AK7: variants seen among roughly 807,000 people sequenced by gnomAD.
The protein encoded by AK7 is adenylate kinase 7.
In AK7, 78 loss-of-function variants were observed where a neutral mutation model predicts 96.6. The ratio of observed to expected loss-of-function variants is 0.81; its 90% CI spans 0.67 to 0.97. The LOEUF is 0.97. Among genes scored for constraint, AK7 ranks in the 50% least tolerant of loss-of-function variants. AK7 has a pLI of 0.00. For missense variants in AK7, 855 were observed against 887.9 expected (o/e 0.96, Z 0.47); for synonymous variants, 302 against 317.2 (o/e 0.95, Z 0.51).
chr14:96,479,659 G>A lies in AK7; in HGVS notation c.1753+997G>A, dbSNP rs1024373211. On this transcript the variant is annotated intron_variant, in intron 15 of 17. Coordinates refer to ENST00000267584, the MANE Select transcript of AK7 (RefSeq NM_152327.5). ...GATCCCGCATCACGTCAGCCTCATC[G>A]TCACCATTATCATTCCTGGCTCCAG... Among the ~76,000 whole-genome samples the A allele has an allele frequency of 4.6e-5, 7 of 152,244 alleles. 1 individual carries two copies. The South Asian group carries it at 1.5e-3, about 32-fold the overall frequency.
At chr14:96,460,186 G>A (rs751617213) in intron 12 of AK7, among the ~76,000 whole-genome samples, 1 of 152,112 alleles carries the variant, frequency 6.6e-6, no homozygotes, top group Non-Finnish European at 1.5e-5. Context: ...GGTCTCTAAG[G>A]GATCTTGCTA....
chr14:96,473,361 C>T (rs898907217), intron 14 of AK7, among the ~76,000 whole-genome samples: 59 of 151,564 alleles, frequency 3.9e-4, no homozygotes, highest in African/African-American at 1.4e-3. Context: ...TTAGTAGAGA[C>T]GGGGTTTCAC....
chr14:96,486,051 TG>T (rs1895755573), intron 16 of AK7, among the ~76,000 whole-genome samples: 1 of 152,240 alleles, frequency 6.6e-6, no homozygotes, highest in Non-Finnish European at 1.5e-5. Context: ...CCCAAAGTGC[TG>T]GGATTACAGG....
intron 14 of AK7, among the ~76,000 whole-genome samples, chr14:96,474,859 T>C (rs1406033698): frequency 6.6e-6 from 1 of 152,232 alleles, no homozygotes; most frequent in East Asian, 1.9e-4. Flanking sequence ...CAGGCACTCA[T>C]TGAACCTTTC....
intron 13 of AK7, among the ~76,000 whole-genome samples, chr14:96,472,219 A>T (rs1894935844): frequency 6.6e-6 from 1 of 152,154 alleles, no homozygotes; most frequent in African/African-American, 2.4e-5. Context: ...GCACAGTGAT[A>T]TATACAATCA....
intron 5 of AK7, among the ~76,000 whole-genome samples, chr14:96,431,925 A>G (rs554531766): frequency 6.6e-6 from 1 of 152,260 alleles, no homozygotes; most frequent in South Asian, 2.1e-4. Context: ...GACTTGCTTT[A>G]TGAATCTGGG....
intron 13 of AK7, 110 bp downstream of exon 13, chr14:96,471,716 T>A: frequency 1.0e-6 from 1 of 991,500 alleles, no homozygotes; most frequent in Non-Finnish European, 1.4e-6. Context: ...AGAGACTATT[T>A]ATTTTTGAGC....
At chr14:96,456,648 T>C (rs1893928691) in intron 11 of AK7, 173 bp downstream of exon 11, 1 of 642,002 alleles carries the variant, frequency 1.6e-6, no homozygotes, top group Non-Finnish European at 2.5e-6. Context: ...CTGGCTTCTC[T>C]TCCCCCTCAG....
intron 12 of AK7, among the ~76,000 whole-genome samples, chr14:96,466,433 T>C (rs1044359023): frequency 6.6e-6 from 1 of 151,666 alleles, no homozygotes; most frequent in Non-Finnish European, 1.5e-5. Context: ...AGAGACGGGG[T>C]TTCACCACGT....
chr14:96,421,113 C>A (rs1420026813), intron 5 of AK7, among the ~76,000 whole-genome samples, 181 bp downstream of exon 5: 1 of 152,160 alleles, frequency 6.6e-6, no homozygotes, highest in Non-Finnish European at 1.5e-5. Flanking sequence ...TGCATCACCA[C>A]CCAGCCGAGC....
intron 16 of AK7, among the ~76,000 whole-genome samples, chr14:96,485,316 T>C (rs1414296121): frequency 2.0e-5 from 3 of 152,192 alleles, no homozygotes; most frequent in African/African-American, 7.2e-5. Flanking sequence ...TTTTTCTTAT[T>C]ATTTTGCAAA....
In AK7 at chr14:96,456,392, A is replaced by G. The variant is rs143116825; in HGVS notation, c.1144A>G (p.Ser382Gly). 3.3e-5 allele frequency: 53 copies of G among 1,613,860 alleles called. No homozygotes were observed. The highest frequency in any genetic ancestry group is 4.1e-5 in the Non-Finnish European group (48 of 1,179,894). The change falls in exon 11 of 18, where the codon AGT becomes GGT. Residue 382 changes from serine (S) to glycine (G), a missense_variant. Coordinates refer to ENST00000267584, the MANE Select transcript of AK7 (RefSeq NM_152327.5). Reference protein sequence around the residue: ...ILGPPAVGKSSIAKELANYYK... With the variant: ...ILGPPAVGKSGIAKELANYYK... ...TGGTCCCCCTGCTGTGGGAAAATCC[A>G]GTATTGCTAAAGAATTGGCCAACTA...
intron 1 of AK7, among the ~76,000 whole-genome samples, chr14:96,394,058 G>A (rs1224950931): frequency 1.3e-5 from 2 of 151,462 alleles, no homozygotes; most frequent in Admixed American, 6.6e-5. Flanking sequence ...GCAGTGAGCC[G>A]AGATTGCACC....
Position 96,483,224 on chromosome 14 carries a change from G to A in AK7, c.1974+5G>A. 6.3e-7 allele frequency: 1 copy of A among 1,585,676 alleles called. No homozygotes were observed. The highest frequency in any genetic ancestry group is 8.6e-7 in the Non-Finnish European group (1 of 1,166,290). Reference sequence around the variant, plus strand: ...ATAGCTCGCTGGGAGGAGTGGGTGAGTGGTGAGTGTGTTTGTGAGTCTGTG... The same window carrying A: ...ATAGCTCGCTGGGAGGAGTGGGTGAATGGTGAGTGTGTTTGTGAGTCTGTG... On this transcript the variant is annotated splice_donor_5th_base_variant and intron_variant, in intron 16 of 17. Coordinates refer to ENST00000267584, the MANE Select transcript of AK7 (RefSeq NM_152327.5).
intron 12 of AK7, 125 bp from the exon 13 acceptor site, chr14:96,471,353 A>T: frequency 2.1e-6 from 1 of 477,290 alleles, no homozygotes; most frequent in Non-Finnish European, 3.3e-6. Context: ...AAAAAAAAAA[A>T]AGCAAAATAG....
chr14:96,462,993 C>T (rs575939577), intron 12 of AK7, among the ~76,000 whole-genome samples: 24 of 151,906 alleles, frequency 1.6e-4, no homozygotes, highest in Non-Finnish European at 2.9e-4. Flanking sequence ...AAAAATTAGC[C>T]GGGTGTGGTG....
At chr14:96,428,825 G>T (rs1430232612) in intron 5 of AK7, among the ~76,000 whole-genome samples, 2 of 152,078 alleles carry the variant, frequency 1.3e-5, no homozygotes, top group African/African-American at 4.8e-5. Flanking sequence ...ATTTTTTCTT[G>T]TAAATTTGTT....
intron 12 of AK7, among the ~76,000 whole-genome samples, chr14:96,460,824 G>A (rs1894212719): frequency 6.6e-6 from 1 of 152,128 alleles, no homozygotes; most frequent in Non-Finnish European, 1.5e-5. Flanking sequence ...GGTTCCTTAT[G>A]TTTGTCACTG....
intron 16 of AK7, among the ~76,000 whole-genome samples, chr14:96,484,572 G>A (rs1895674989): frequency 6.6e-6 from 1 of 152,162 alleles, no homozygotes; most frequent in Non-Finnish European, 1.5e-5. Flanking sequence ...TGCACCAATG[G>A]TGGTCTTGGT....
Sources: allele counts gnomAD v4.1 joint callset (sites outside exome capture counted in the v4.1 genomes callset), GRCh38; gene constraint gnomAD v4.1.1; transcripts MANE v1.5; gene names NCBI Gene and HGNC (gene_info 2026-07-23, HGNC 2026-07-21).